Variants in RYR1 observed in about 807,000 individuals in gnomAD.
RYR1 encodes the protein ryanodine receptor 1.
RYR1 carries 342 observed loss-of-function variants against 583.5 expected under a neutral mutation model. The ratio of observed to expected loss-of-function variants is 0.59; its 90% confidence interval spans 0.54 to 0.64. RYR1 has a LOEUF of 0.64. Ranked by LOEUF, RYR1 falls within the 30% of genes least tolerant of loss-of-function variation. RYR1 has a pLI of 0.00. For missense variants in RYR1, 6,032 were observed against 6,917.2 expected, an observed-to-expected ratio of 0.87 and a Z score of 4.54; for synonymous variants, 2,791 against 2,822.5, an observed-to-expected ratio of 0.99 and a Z score of 0.35.
At chr19:38,538,399 C>G (rs369675161) in intron 84 of RYR1, among the ~76,000 whole-genome samples, 75 of 151,020 alleles carry the variant, frequency 5.0e-4, no homozygotes, top group African/African-American at 1.4e-3. Flanking sequence ...AACTCCATCT[C>G]AAAAAAAAAC....
chr19:38,483,910 C>A lies in RYR1; in HGVS notation c.4934+394C>A, dbSNP rs1490363509. Among the ~76,000 whole-genome samples, 1 of 151,994 alleles carries A rather than the reference C, an allele frequency of 6.6e-6. No homozygotes were observed. The highest frequency in any genetic ancestry group is 2.4e-5 in the African/African-American group (1 of 41,380). ...GGGAGGCTTGGATGCACCCTAGAGTCTCTTGGGCATATGCAGGGAGGCTTT... is the reference window on the plus strand; with the variant it reads ...GGGAGGCTTGGATGCACCCTAGAGTATCTTGGGCATATGCAGGGAGGCTTT... On this transcript the variant is annotated intron_variant, in intron 33 of 105. Transcript: ENST00000359596. This position sits in a 1 kb window ranked among gnomAD's most constrained non-coding sequence, Gnocchi z 6.3.
intron 2 of RYR1, among the ~76,000 whole-genome samples, chr19:38,441,383 G>T (rs994447076): frequency 5.3e-5 from 8 of 151,044 alleles, no homozygotes; most frequent in African/African-American, 1.9e-4. Context: ...GGGTGTTTTA[G>T]GGGGAAGGAG....
rs114009747 is a variant in RYR1 at position 38,548,341 on chromosome 19, A to G, written c.12203A>G (p.Lys4068Arg). 148 of 1,614,190 alleles carry G rather than the reference A, an allele frequency of 9.2e-5. No individual in the cohort carries two copies. In the African/African-American group the frequency reaches 1.9e-3, roughly 20 times the overall value. ...LKFFDMFLKL[K>R]DIVGSEAFQD... is the part of the protein sequence containing the mutation. ...TTCTTCGACATGTTCCTGAAACTCAAGGACATTGTGGGCTCTGAAGCCTTC... is the reference window on the plus strand; with the variant it reads ...TTCTTCGACATGTTCCTGAAACTCAGGGACATTGTGGGCTCTGAAGCCTTC... The change falls in exon 89 of 106, where the codon AAG becomes AGG. Residue 4068 changes from lysine to arginine, a missense_variant. This residue lies in a region of RYR1 where 753 missense variants were observed against 759.6 expected (regional missense o/e 0.99). Transcript: ENST00000359596.
chr19:38,442,548 C>T (rs1429328411), intron 3 of RYR1, 95 bp downstream of exon 3: 3 of 845,902 alleles, frequency 3.5e-6, no homozygotes, highest in Non-Finnish European at 6.0e-6. Flanking sequence ...GGTGAGAGGA[C>T]CCGGGGGTCG....
chr19:38,551,785 C>T (rs548398789), intron 89 of RYR1, among the ~76,000 whole-genome samples: 2 of 152,246 alleles, frequency 1.3e-5, no homozygotes, highest in African/African-American at 4.8e-5. Context: ...TCCTTCGGAC[C>T]CTGCCTCCCA....
rs145044872 is a variant in RYR1, at chr19:38,512,273, G to A, written c.9262G>A (p.Val3088Met). 4.4e-4 allele frequency: 713 copies of A among 1,614,234 alleles called. 5 individuals are homozygous for A. In the Middle Eastern group the frequency reaches 0.011, roughly 26 times the overall value. The change falls in exon 63 of 106, where the codon GTG becomes ATG. Residue 3088 changes from valine to methionine, a missense_variant. By Grantham distance (21) the Val-to-Met change is conservative. Coordinates refer to ENST00000359596, the MANE Select transcript of RYR1 (RefSeq NM_000540.3). The surrounding 1 kb of genome is among the most constrained non-coding windows in gnomAD (Gnocchi z 5.1). ...RTVMKSGPEI[V>M]KAGLRSFFES... ...AGTGATGAAGTCAGGCCCTGAGATC[G>A]TGAAGGCTGGCCTCCGCTCCTTCTT...
rs1283664977 is a variant in RYR1, at chr19:38,485,832, G to A, written c.5177G>A (p.Arg1726His). 2 of 1,613,594 alleles carry A rather than the reference G, an allele frequency of 1.2e-6. No individual in the cohort carries two copies. Among genetic ancestry groups the A allele is most frequent in the Non-Finnish European group, 1.7e-6 (2 of 1,179,986 alleles). The change falls in exon 34 of 106, where the codon CGC becomes CAC. Residue 1726 changes from arginine (R) to histidine (H), a missense_variant. By Grantham distance (29) the Arg-to-His change is conservative (BLOSUM62 0). Transcript: ENST00000359596. Reference protein sequence around the residue: ...SIHLESACRSRRSMLSEYIVP... With the variant: ...SIHLESACRSHRSMLSEYIVP... ...CACCTCGAAAGTGCCTGCCGCAGCC[G>A]CCGCTCCATGCTCTCTGAATACATC...
At chr19:38,532,610 G>C in intron 77 of RYR1, 61 bp from the exon 78 acceptor site, 1 of 1,613,836 alleles carries the variant, frequency 6.2e-7, no homozygotes, top group South Asian at 1.1e-5. Flanking sequence ...TCCACAAAAA[G>C]GGCTGGGGCG....
intron 66 of RYR1, among the ~76,000 whole-genome samples, 166 bp downstream of exon 66, chr19:38,517,857 A>G (rs1032318227): frequency 3.3e-5 from 5 of 152,194 alleles, no homozygotes; most frequent in Non-Finnish European, 5.9e-5. Context: ...CGTGGCTCAC[A>G]GCTGTAACAC....
intron 24 of RYR1, among the ~76,000 whole-genome samples, 156 bp downstream of exon 24, chr19:38,466,554 T>G (rs1208701506): frequency 6.9e-6 from 1 of 143,932 alleles, no homozygotes; most frequent in African/African-American, 2.6e-5. Context: ...CAGGCTGGAG[T>G]GCAATGGCGC....
chr19:38,519,454 G>A lies in RYR1; in HGVS notation c.10259G>A (p.Arg3420Lys). Residue 3420 changes from arginine to lysine, a missense_variant and splice_region_variant, in exon 67 of 106, where the codon AGG (arginine) becomes AAG (lysine). Transcript: ENST00000359596. The stretch of plus-strand genomic sequence containing the variant: ...CTCATCCGCTACGTGGACAACAACA[G>A]GTCAGCGGGGCCCCGCTGTCCCCAT... Reference protein sequence around the residue: ...PLLIRYVDNNRAQWLTEPNPS... With the variant: ...PLLIRYVDNNKAQWLTEPNPS... The A allele has an allele frequency of 1.9e-6, 3 of 1,591,180 alleles. No homozygotes were observed. The highest frequency in any genetic ancestry group is 1.7e-6 in the Non-Finnish European group (2 of 1,170,106).
intron 52 of RYR1, 39 bp downstream of exon 52, chr19:38,505,120 A>T (rs1970382144): frequency 1.3e-6 from 2 of 1,580,250 alleles, no homozygotes; most frequent in East Asian, 2.2e-5. Context: ...AACCCTCAAG[A>T]CCCCAGCTTT....
Position 38,561,865 on chromosome 19 carries a change from C to T in RYR1, c.12624+411C>T, listed in dbSNP as rs987641126. 6.6e-6 allele frequency among the ~76,000 whole-genome samples: 1 copy of T among 152,110 alleles called. No individual in the cohort carries two copies. The highest frequency in any genetic ancestry group is 1.5e-5 in the Non-Finnish European group (1 of 68,012). ...CACCCCTTGCTCACCTTCCCAGTAG[C>T]CCCCGGCGTGCCGTCTCTTGGTCCT... On this transcript the variant is annotated intron_variant, in intron 90 of 105. Coordinates refer to ENST00000359596, the MANE Select transcript of RYR1 (RefSeq NM_000540.3). This position sits in a 1 kb window ranked among gnomAD's most constrained non-coding sequence, Gnocchi z 4.8.
Position 38,515,017 on chromosome 19 carries a change from C to CT in RYR1, c.9473-8dup, listed in dbSNP as rs1261383620. ...CGCATGCCGCAGCCTCGCCCCCTGTCTCCCTCAGTGGACGACGTCCAGGTC... is the reference window on the plus strand; with the variant it reads ...CGCATGCCGCAGCCTCGCCCCCTGTCTTCCCTCAGTGGACGACGTCCAGGTC... On this transcript the variant is annotated splice_polypyrimidine_tract_variant and intron_variant, in intron 63 of 105. Transcript: ENST00000359596. The CT allele has an allele frequency of 6.2e-7, 1 of 1,608,900 alleles. No homozygotes were observed. Among genetic ancestry groups the CT allele is most frequent in the South Asian group, 1.1e-5 (1 of 90,866 alleles).
chr19:38,572,464 A>G (rs1369270076), intron 95 of RYR1, among the ~76,000 whole-genome samples, 194 bp downstream of exon 95: 1 of 151,960 alleles, frequency 6.6e-6, no homozygotes, highest in Non-Finnish European at 1.5e-5. Flanking sequence ...TCCAGTAAGG[A>G]CGACATTCAG....
rs769081932 is a variant in RYR1 at position 38,528,615 on chromosome 19, A to G, written c.10954A>G (p.Met3652Val). 1.1e-5 allele frequency: 18 copies of G among 1,614,048 alleles called. No homozygotes were observed. In the South Asian group the frequency reaches 1.2e-4, roughly 11 times the overall value. ...YNLPTHRACNMFLESYKAAWI... is the reference protein window; with the variant it reads ...YNLPTHRACNVFLESYKAAWI... ...CCCCTGCAGGCACCGGGCATGTAAC[A>G]TGTTCCTGGAGAGCTACAAGGCTGC... Residue 3652 changes from methionine to valine, a missense_variant, in exon 75 of 106, where the codon ATG (methionine) becomes GTG (valine). By Grantham distance (21) the Met-to-Val change is conservative. This residue lies in a region of RYR1 where 1,493 missense variants were observed against 1,715.5 expected (regional missense o/e 0.87). Coordinates refer to ENST00000359596, the MANE Select transcript of RYR1 (RefSeq NM_000540.3).
At chr19:38,541,402 G>A (rs1408019876) in intron 84 of RYR1, among the ~76,000 whole-genome samples, 1 of 151,258 alleles carries the variant, frequency 6.6e-6, no homozygotes, top group East Asian at 1.9e-4. Context: ...TTGAACACAT[G>A]TATCAGGTCT....
intron 31 of RYR1, among the ~76,000 whole-genome samples, 184 bp downstream of exon 31, chr19:38,478,784 G>T (rs1159003949): frequency 1.3e-5 from 2 of 152,150 alleles, no homozygotes; most frequent in Non-Finnish European, 2.9e-5. Context: ...CAGACTGGAG[G>T]AGATACAGAA....
chr19:38,567,128 A>C, intron 92 of RYR1, 141 bp downstream of exon 92: 1 of 1,332,958 alleles, frequency 7.5e-7, no homozygotes, highest in Non-Finnish European at 1.0e-6. Flanking sequence ...GGCACGGAGG[A>C]GGGGCTCTGA....
Sources: allele counts gnomAD v4.1 joint callset (sites outside exome capture counted in the v4.1 genomes callset), GRCh38; gene constraint gnomAD v4.1.1; regional missense constraint gnomAD v4.1.1; non-coding constraint Gnocchi (gnomAD v3.1); transcripts MANE v1.5; gene names NCBI Gene and HGNC (gene_info 2026-07-23, HGNC 2026-07-21).